The following PMS1 variants were observed in gnomAD, a reference collection of about 807,000 sequenced individuals.
The protein encoded by PMS1 is PMS1 homolog 1, mismatch repair system component.
A neutral mutation model predicts 93.1 loss-of-function variants in PMS1; 79 were observed. That is an observed-to-expected ratio of 0.85 (90% confidence interval 0.71 to 1.02). PMS1 has a LOEUF of 1.02. Among genes scored for constraint, PMS1 ranks in the 50% least tolerant of loss-of-function variants. PMS1 has a pLI of 0.00. For missense variants in PMS1, 1,064 were observed against 1,085.3 expected (o/e 0.98, Z 0.28); for synonymous variants, 335 against 363.4 (o/e 0.92, Z 0.89).
chr2:189,817,954 G>T, intron 4 of PMS1, 63 bp from the exon 5 acceptor site: 1 of 1,218,926 alleles, frequency 8.2e-7, no homozygotes, highest in Non-Finnish European at 1.2e-6. Context: ...AATTGTATAC[G>T]GATTTGAAGA....
intron 4 of PMS1, among the ~76,000 whole-genome samples, chr2:189,812,741 C>T (rs1258989901): frequency 6.6e-6 from 1 of 152,060 alleles, no homozygotes; most frequent in Non-Finnish European, 1.5e-5. Context: ...ATGTTATACT[C>T]ACTGAAAGTA....
chr2:189,818,173 A>C lies in PMS1; in HGVS notation c.575A>C (p.His192Pro). Residue 192 changes from histidine (H) to proline (P), a missense_variant, in exon 5 of 13, where the codon CAT (histidine) becomes CCT (proline). His to Pro is a moderately conservative substitution (Grantham distance 77). Coordinates refer to ENST00000441310, the MANE Select transcript of PMS1 (RefSeq NM_000534.5). Reference protein sequence around the residue: ...LKPDLRIVFVHNKAVIWQKSR... With the variant: ...LKPDLRIVFVPNKAVIWQKSR... ...CCTGACTTAAGGATTGTCTTTGTAC[A>C]TAACAAGGTAAACATTATTTTATCT... 1 of 1,578,984 alleles carries C rather than the reference A, an allele frequency of 6.3e-7. No homozygotes were observed. Among genetic ancestry groups the C allele is most frequent in the Non-Finnish European group, 8.7e-7 (1 of 1,149,128 alleles).
intron 10 of PMS1, among the ~76,000 whole-genome samples, chr2:189,866,100 G>T (rs762144290): frequency 6.6e-6 from 1 of 152,144 alleles, no homozygotes; most frequent in Non-Finnish European, 1.5e-5. Flanking sequence ...TTAGAAAATA[G>T]TGTCTTAGGC....
chr2:189,855,425 C>T (rs1181675069), intron 9 of PMS1, among the ~76,000 whole-genome samples: 1 of 151,292 alleles, frequency 6.6e-6, no homozygotes, highest in South Asian at 2.1e-4. Context: ...TTTCAAACCA[C>T]CATTTATCTT....
chr2:189,829,378 T>A (rs925699468), intron 5 of PMS1, among the ~76,000 whole-genome samples: 1 of 152,220 alleles, frequency 6.6e-6, no homozygotes, highest in Non-Finnish European at 1.5e-5. Context: ...TCTATCTTAC[T>A]CTCTTCAACA....
At position 189,832,444 on chromosome 2, in the gene PMS1, T is replaced by C. The variant is rs5743074; in HGVS notation, c.583-11520T>C. 6.7e-3 allele frequency among the ~76,000 whole-genome samples: 1,019 copies of C among 152,258 alleles called. 19 individuals are homozygous for C. Among genetic ancestry groups the C allele is most frequent in the African/African-American group, 0.023 (942 of 41,538 alleles). ...CAGGGTTCAAAGACTGAAGAACTTA[T>C]CAGCAAGGCTGACCAGAAGGGTTTT... On this transcript the variant is annotated intron_variant, in intron 5 of 12. Transcript: ENST00000441310.
At chr2:189,825,884 C>G (rs2052385583) in intron 5 of PMS1, among the ~76,000 whole-genome samples, 1 of 152,108 alleles carries the variant, frequency 6.6e-6, no homozygotes, top group Non-Finnish European at 1.5e-5. Context: ...GTTTTGTGCT[C>G]TGTAAGAATG....
At chr2:189,875,207 A>G (rs748432082) in intron 12 of PMS1, among the ~76,000 whole-genome samples, 17 of 150,310 alleles carry the variant, frequency 1.1e-4, no homozygotes, top group Middle Eastern at 6.8e-3. Flanking sequence ...TAATTGCTAG[A>G]AGACTATCAG....
At chr2:189,813,306 G>C (rs948773406) in intron 4 of PMS1, among the ~76,000 whole-genome samples, 2 of 152,228 alleles carry the variant, frequency 1.3e-5, no homozygotes, top group African/African-American at 4.8e-5. Flanking sequence ...ATGAGTTCCA[G>C]CCTGAGTGTG....
At chr2:189,850,081 T>A (rs2054578344) in intron 6 of PMS1, among the ~76,000 whole-genome samples, 2 of 152,182 alleles carry the variant, frequency 1.3e-5, no homozygotes, top group African/African-American at 4.8e-5. Flanking sequence ...TTTGCAGTCA[T>A]AACATCTTTA....
chr2:189,835,240 AT>A (rs2053283466), intron 5 of PMS1, among the ~76,000 whole-genome samples: 1 of 152,178 alleles, frequency 6.6e-6, no homozygotes, highest in Non-Finnish European at 1.5e-5. Flanking sequence ...AGTGTAAGAG[AT>A]TTTAGAACTC....
chr2:189,840,768 T>C (rs747614345), intron 5 of PMS1, among the ~76,000 whole-genome samples: 9 of 152,346 alleles, frequency 5.9e-5, no homozygotes, highest in Non-Finnish European at 1.0e-4. Flanking sequence ...ATTCAGACTT[T>C]AGGATGCTAG....
Position 189,784,590 on chromosome 2 carries a change from G to A in PMS1, c.-24G>A, listed in dbSNP as rs5742933. The A allele has an allele frequency of 2.0e-5, 3 of 152,924 alleles. No homozygotes were observed. Among genetic ancestry groups the A allele is most frequent in the Non-Finnish European group, 4.4e-5 (3 of 68,570 alleles). 9.5% of individuals were successfully genotyped at this position (152,924 alleles called of 1,614,324 possible). On this transcript the variant is annotated 5_prime_UTR_variant, in exon 1 of 13. Coordinates refer to ENST00000441310, the MANE Select transcript of PMS1 (RefSeq NM_000534.5). ...GTAATTGCCTGCCTCGCGCTAGCAG[G>A]AAGGTAGTGTGGTGTGACTAACGGG...
intron 6 of PMS1, among the ~76,000 whole-genome samples, chr2:189,847,442 T>C (rs1244118812): frequency 6.6e-6 from 1 of 151,900 alleles, no homozygotes; most frequent in Admixed American, 6.6e-5. Flanking sequence ...TTTTGAGAGA[T>C]CTGATTTTTA....
intron 2 of PMS1, 57 bp downstream of exon 2, chr2:189,791,998 T>A (rs2048912203): frequency 6.8e-7 from 1 of 1,463,586 alleles, no homozygotes; most frequent in Non-Finnish European, 9.5e-7. Context: ...TCTGGACACA[T>A]GTTTTCTCCT....
chr2:189,809,064 CCT>C (rs1210235204), intron 4 of PMS1, among the ~76,000 whole-genome samples: 4 of 152,086 alleles, frequency 2.6e-5, no homozygotes, highest in African/African-American at 9.7e-5. Flanking sequence ...ATTTTCCTAC[CCT>C]GTTACTAGAG....
At chr2:189,844,149 G>A (rs2054047113) in intron 6 of PMS1, 69 bp downstream of exon 6, 1 of 1,604,724 alleles carries the variant, frequency 6.2e-7, no homozygotes, top group Admixed American at 1.7e-5. Flanking sequence ...TTCCCTTTGG[G>A]GGAGTTACAG....
intron 1 of PMS1, among the ~76,000 whole-genome samples, chr2:189,790,016 T>A (rs5742971): frequency 1.3e-5 from 2 of 152,180 alleles, no homozygotes; most frequent in Admixed American, 1.3e-4. Flanking sequence ...CAACAGAGAT[T>A]TTGGATCTGC....
Position 189,805,728 on chromosome 2 carries a change from C to G in PMS1, c.392C>G (p.Ser131Cys). ...TTAGATGGCAGTGGCCACATACTTT[C>G]TCAGAAACCTTCACATCTTGGTCAA... ...YVLDGSGHIL[S>C]QKPSHLGQGT... is the part of the protein sequence containing the mutation. The change falls in exon 4 of 13, where the codon TCT (serine) becomes TGT (cysteine). Residue 131 changes from serine to cysteine, a missense_variant. Transcript: ENST00000441310. 6.2e-7 allele frequency: 1 copy of G among 1,613,734 alleles called. No individual in the cohort carries two copies. Among genetic ancestry groups the G allele is most frequent in the Non-Finnish European group, 8.5e-7 (1 of 1,179,884 alleles).
Sources: gnomAD v4.1 joint callset for allele counts (sites outside exome capture counted in the v4.1 genomes callset) on GRCh38, gnomAD v4.1.1 for gene constraint, MANE v1.5 for transcripts, NCBI Gene and HGNC (gene_info 2026-07-23, HGNC 2026-07-21) for gene names.